SLC24A4: variants seen among roughly 807,000 people sequenced by gnomAD.
The protein encoded by SLC24A4 is sodium/potassium/calcium exchanger 4.
SLC24A4 carries 53 observed loss-of-function variants against 79.0 expected under a neutral mutation model. The observed-to-expected ratio is 0.67, with a 90% CI of 0.54 to 0.84. The LOEUF (loss-of-function observed/expected upper bound fraction) is 0.84. Ranked by LOEUF, SLC24A4 falls within the 40% of genes least tolerant of loss-of-function variation. The pLI is 0.00. For synonymous variants in SLC24A4, 323 were observed against 323.8 expected (o/e 1.00, Z 0.03); for missense variants, 731 against 822.0 (o/e 0.89, Z 1.35).
chr14:92,443,917 G>A (rs906873215), intron 7 of SLC24A4, among the ~76,000 whole-genome samples: 2 of 152,128 alleles, frequency 1.3e-5, no homozygotes, highest in Non-Finnish European at 2.9e-5. Flanking sequence ...GCTCTCAGCT[G>A]GGTGGCGGGC....
chr14:92,341,368 T>A (rs975722685), intron 2 of SLC24A4, among the ~76,000 whole-genome samples: 3 of 151,986 alleles, frequency 2.0e-5, no homozygotes, highest in Non-Finnish European at 4.4e-5. Flanking sequence ...GACATGAGGG[T>A]CACTGCCCCG....
intron 2 of SLC24A4, among the ~76,000 whole-genome samples, chr14:92,345,010 G>C (rs1164024610): frequency 6.6e-6 from 1 of 152,196 alleles, no homozygotes; most frequent in Non-Finnish European, 1.5e-5. Flanking sequence ...TTCTGCCACT[G>C]TACAAATTGT....
chr14:92,449,278 G>GTGTA, intron 10 of SLC24A4, 62 bp downstream of exon 10: 1 of 1,364,158 alleles, frequency 7.3e-7, no homozygotes, highest in South Asian at 1.3e-5. Flanking sequence ...CTCCTCTTTT[G>GTGTA]TGTACACACA....
At chr14:92,325,087 C>T (rs34161728) in intron 1 of SLC24A4, among the ~76,000 whole-genome samples, 1 of 152,038 alleles carries the variant, frequency 6.6e-6, no homozygotes, top group Non-Finnish European at 1.5e-5. Flanking sequence ...TTTTTTTCCC[C>T]CCTCAATTAC....
chr14:92,479,970 G>A (rs1347919120), intron 12 of SLC24A4, among the ~76,000 whole-genome samples: 3 of 152,114 alleles, frequency 2.0e-5, no homozygotes, highest in African/African-American at 7.2e-5. Context: ...ATTCTTCGTA[G>A]TATTCCCTAA....
Position 92,447,437 on chromosome 14 carries a change from T to C in SLC24A4, c.737+13T>C. On this transcript the variant is annotated intron_variant, in intron 9 of 16. Coordinates refer to ENST00000532405, the MANE Select transcript of SLC24A4 (RefSeq NM_153646.4). ...TTCTGATCATGAAGTAAGTGCCCTTTCTCCTCCCCGGGGCTGCCGACGCCT... is the reference window on the plus strand; with the variant it reads ...TTCTGATCATGAAGTAAGTGCCCTTCCTCCTCCCCGGGGCTGCCGACGCCT... 1 of 1,613,782 alleles carries C rather than the reference T, an allele frequency of 6.2e-7. No homozygotes were observed.
chr14:92,397,506 A>C (rs1420388132), intron 2 of SLC24A4, among the ~76,000 whole-genome samples: 1 of 152,224 alleles, frequency 6.6e-6, no homozygotes, highest in Non-Finnish European at 1.5e-5. Context: ...AGCTTTTTGC[A>C]TGAAAATAGT....
At chr14:92,409,826 A>G (rs1595236123) in intron 2 of SLC24A4, among the ~76,000 whole-genome samples, 1 of 152,228 alleles carries the variant, frequency 6.6e-6, no homozygotes, top group Admixed American at 6.5e-5. Flanking sequence ...GAAAATGTGG[A>G]ACACATACAC....
At position 92,343,618 on chromosome 14, in the gene SLC24A4, T is replaced by C. The variant is rs550254054; in HGVS notation, c.241+17640T>C. Among the ~76,000 whole-genome samples, 44 of 143,614 alleles carry C rather than the reference T, an allele frequency of 3.1e-4. No homozygotes were observed. In the South Asian group the frequency reaches 5.9e-3, roughly 19 times the overall value. 94.2% of individuals were successfully genotyped at this position (143,614 alleles called of 152,430 possible). ...TTTCTTTCTTTCTTTCTTTCTTTCTTTCTTTCTTTCTTTCTTTCTTTCTCT... is the reference window on the plus strand; with the variant it reads ...TTTCTTTCTTTCTTTCTTTCTTTCTCTCTTTCTTTCTTTCTTTCTTTCTCT... On this transcript the variant is annotated intron_variant, in intron 2 of 16. Transcript: ENST00000532405.
chr14:92,389,732 C>G (rs1889362608), intron 2 of SLC24A4, among the ~76,000 whole-genome samples: 1 of 152,224 alleles, frequency 6.6e-6, no homozygotes, highest in Non-Finnish European at 1.5e-5. Context: ...GCACTTTCCC[C>G]CATTCTCCAC....
intron 2 of SLC24A4, among the ~76,000 whole-genome samples, chr14:92,409,297 A>C (rs1355192938): frequency 6.6e-6 from 1 of 152,216 alleles, no homozygotes; most frequent in Non-Finnish European, 1.5e-5. Flanking sequence ...GGGGAGTGTC[A>C]GAGCCAAGTC....
In SLC24A4 at chr14:92,493,535, G is replaced by C. The variant is rs1264284522; in HGVS notation, c.1776G>C (p.Leu592=). Reference sequence around the variant, plus strand: ...ACCGGAAGCTGGGTGTCTACGTGCTGGTTCTCTACGCCATCTTCTTGTGCT... The same window carrying C: ...ACCGGAAGCTGGGTGTCTACGTGCTCGTTCTCTACGCCATCTTCTTGTGCT... ...RLDRKLGVYV[L]VLYAIFLCFS... The change falls in exon 17 of 17, where the codon CTG becomes CTC. Residue 592 remains leucine (L), a synonymous_variant. Transcript: ENST00000532405. 6.2e-7 allele frequency: 1 copy of C among 1,614,216 alleles called. No individual in the cohort carries two copies.
chr14:92,419,898 T>G (rs141324940), intron 2 of SLC24A4, among the ~76,000 whole-genome samples: 3 of 152,314 alleles, frequency 2.0e-5, no homozygotes, highest in African/African-American at 7.2e-5. Context: ...TCTCTGCAGA[T>G]GTACTTGGTC....
At chr14:92,351,860 T>C (rs535256611) in intron 2 of SLC24A4, among the ~76,000 whole-genome samples, 1 of 140,772 alleles carries the variant, frequency 7.1e-6, no homozygotes, top group Admixed American at 7.5e-5. Flanking sequence ...TGAGATCTTG[T>C]CTAAAAAAGA....
intron 12 of SLC24A4, among the ~76,000 whole-genome samples, chr14:92,470,906 A>G (rs4904928): frequency 0.98 from 148,959 of 152,310 alleles, 72,932 homozygotes; most frequent in East Asian, 1. Context: ...TGACAAGGCT[A>G]GACCCAGGGT....
intron 14 of SLC24A4, among the ~76,000 whole-genome samples, chr14:92,489,583 G>T (rs933653907): frequency 1.3e-5 from 2 of 152,192 alleles, no homozygotes; most frequent in African/African-American, 4.8e-5. Flanking sequence ...CATGGTCCTA[G>T]CCCCGAGCAT....
chr14:92,374,656 T>G (rs1388391743), intron 2 of SLC24A4, among the ~76,000 whole-genome samples: 1 of 152,210 alleles, frequency 6.6e-6, no homozygotes, highest in Non-Finnish European at 1.5e-5. Flanking sequence ...CTTGCTGCAT[T>G]TTCTCATGAT....
chr14:92,487,088 C>T (rs1406316250), intron 14 of SLC24A4, among the ~76,000 whole-genome samples: 1 of 152,232 alleles, frequency 6.6e-6, no homozygotes, highest in Admixed American at 6.5e-5. Flanking sequence ...AGACTTTATA[C>T]AGCAAATGAG....
In SLC24A4 at chr14:92,492,065, C is replaced by T. The variant is rs763961277; in HGVS notation, c.1651-110C>T. 1.4e-5 allele frequency: 14 copies of T among 1,011,618 alleles called. 1 individual carries two copies. Among genetic ancestry groups the T allele is most frequent in the Non-Finnish European group, 2.0e-5 (13 of 652,544 alleles). 62.7% of individuals were successfully genotyped at this position (1,011,618 alleles called of 1,614,324 possible). A position where few individuals can be genotyped will look rare whatever the true frequency, so the allele number is the denominator to read the frequency against. On this transcript the variant is annotated intron_variant, in intron 15 of 16. Transcript: ENST00000532405. Reference sequence around the variant, plus strand: ...ACGACCATGTGGTCACCTGTAAACACCTGTGTTTTCCTGATGAGGGAATGC... The same window carrying T: ...ACGACCATGTGGTCACCTGTAAACATCTGTGTTTTCCTGATGAGGGAATGC...
Sources: allele counts gnomAD v4.1 joint callset (sites outside exome capture counted in the v4.1 genomes callset), GRCh38; gene constraint gnomAD v4.1.1; transcripts MANE v1.5; gene names NCBI Gene and HGNC (gene_info 2026-07-23, HGNC 2026-07-21).